PCBP3: variants seen among roughly 807,000 people sequenced by gnomAD.
PCBP3 encodes the protein poly(rC)-binding protein 3.
Under a neutral mutation model 52.7 loss-of-function variants are expected in PCBP3, and 25 were observed. That is an observed-to-expected ratio of 0.47 (90% confidence interval 0.35 to 0.66). The LOEUF (loss-of-function observed/expected upper bound fraction) is 0.66. Among genes scored for constraint, PCBP3 ranks in the 30% least tolerant of loss-of-function variants. The pLI is 0.01. For missense variants in PCBP3, 391 were observed against 490.3 expected, an observed-to-expected ratio of 0.80 and a Z score of 1.91; for synonymous variants, 162 against 183.0, an observed-to-expected ratio of 0.89 and a Z score of 0.93.
intron 4 of PCBP3, among the ~76,000 whole-genome samples, chr21:45,846,429 G>T (rs184736487): frequency 0.025 from 3,589 of 142,484 alleles, 137 homozygotes; most frequent in African/African-American, 0.087. Context: ...TTTTTTGTTT[G>T]TTTTTTTTTT....
intron 1 of PCBP3, among the ~76,000 whole-genome samples, chr21:45,651,390 G>T (rs1022259770): frequency 6.6e-6 from 1 of 152,156 alleles, no homozygotes; most frequent in Non-Finnish European, 1.5e-5. Context: ...AAATTATAAA[G>T]TAGAAGATCA....
chr21:45,686,062 G>C (rs1251766923), intron 2 of PCBP3, among the ~76,000 whole-genome samples: 1 of 151,940 alleles, frequency 6.6e-6, no homozygotes, highest in Admixed American at 6.6e-5. Context: ...GGGATTACAG[G>C]CATCTGCTAC....
At chr21:45,839,960 T>A (rs1208425683) in intron 4 of PCBP3, among the ~76,000 whole-genome samples, 2 of 151,946 alleles carry the variant, frequency 1.3e-5, no homozygotes, top group African/African-American at 4.8e-5. Flanking sequence ...GTGCTGGGAT[T>A]ACAGACATGA....
chr21:45,668,306 C>T (rs1285563023), intron 1 of PCBP3, among the ~76,000 whole-genome samples: 1 of 152,156 alleles, frequency 6.6e-6, no homozygotes, highest in Non-Finnish European at 1.5e-5. Flanking sequence ...TTTGTTCCAA[C>T]TGTTGTCCAC....
chr21:45,746,967 G>A (rs199876678), intron 3 of PCBP3, among the ~76,000 whole-genome samples: 1 of 146,410 alleles, frequency 6.8e-6, no homozygotes. Flanking sequence ...TGTCAGCATC[G>A]CTGTGTCAGT....
At chr21:45,779,723 G>T (rs1202563136) in intron 4 of PCBP3, among the ~76,000 whole-genome samples, 12 of 152,166 alleles carry the variant, frequency 7.9e-5, no homozygotes, top group Admixed American at 5.9e-4. Flanking sequence ...TACATTGAGA[G>T]ATATACCATG....
chr21:45,652,226 CA>C (rs2079731737), intron 1 of PCBP3, among the ~76,000 whole-genome samples: 1 of 152,036 alleles, frequency 6.6e-6, no homozygotes, highest in Non-Finnish European at 1.5e-5. Flanking sequence ...TAGTTGATCT[CA>C]AAAAGATGAG....
At chr21:45,726,936 G>A (rs2085090998) in intron 2 of PCBP3, among the ~76,000 whole-genome samples, 1 of 151,994 alleles carries the variant, frequency 6.6e-6, no homozygotes, top group Non-Finnish European at 1.5e-5. Flanking sequence ...TCTTTTATGG[G>A]GTATGTGTTT....
At chr21:45,649,980 T>C (rs1024734216) in intron 1 of PCBP3, among the ~76,000 whole-genome samples, 2 of 152,140 alleles carry the variant, frequency 1.3e-5, no homozygotes, top group African/African-American at 4.8e-5. Flanking sequence ...TATTTTATTC[T>C]TTTAATTTAA....
rs1004914238 is a variant in PCBP3, at chr21:45,912,955, G to A, written c.601-996G>A. Among the ~76,000 whole-genome samples the A allele has an allele frequency of 3.3e-5, 5 of 152,172 alleles. 1 individual carries two copies. The highest frequency in any genetic ancestry group is 3.9e-4 in the East Asian group (2 of 5,182). ...TCTTGGGGCTTTGAGTGTGAGTGGC[G>A]CTCCCTGAGTGCTGGGCTGGCCCTG... On this transcript the variant is annotated intron_variant, in intron 11 of 17. Transcript: ENST00000681687.
chr21:45,667,360 T>A (rs1384896786), intron 1 of PCBP3, among the ~76,000 whole-genome samples: 2 of 152,074 alleles, frequency 1.3e-5, no homozygotes, highest in Non-Finnish European at 2.9e-5. Flanking sequence ...TCAGCTCATT[T>A]TTTTTTTAAC....
intron 4 of PCBP3, among the ~76,000 whole-genome samples, chr21:45,815,627 A>AT (rs2092902275): frequency 1.8e-5 from 1 of 55,936 alleles, no homozygotes; most frequent in African/African-American, 1.0e-4. Flanking sequence ...GTGAGTGATG[A>AT]GTGGTGAGTG....
At chr21:45,763,984 A>G (rs559709755) in intron 4 of PCBP3, among the ~76,000 whole-genome samples, 56 of 152,298 alleles carry the variant, frequency 3.7e-4, no homozygotes, top group African/African-American at 1.3e-3. Flanking sequence ...AATGTCATAC[A>G]TGGCTTTTCC....
chr21:45,761,305 A>G (rs1289916952), intron 4 of PCBP3: 1 of 152,072 alleles, frequency 6.6e-6, no homozygotes, highest in Non-Finnish European at 1.5e-5. Context: ...TTTCCGCTCC[A>G]TGGTCATTCC....
In PCBP3 at chr21:45,805,825, G is replaced by A. The variant is rs910820999; in HGVS notation, c.-125-44136G>A. ...CGCGCTCCTGTCTTTCTGTGGCAGC[G>A]AAGGTGGCATTCCCTCCTAGCACCT... On this transcript the variant is annotated intron_variant, in intron 4 of 17. Coordinates refer to ENST00000681687, the MANE Select transcript of PCBP3 (RefSeq NM_001384156.1). This position sits in a 1 kb window ranked among gnomAD's most constrained non-coding sequence, Gnocchi z 4.6. 8.5e-5 allele frequency among the ~76,000 whole-genome samples: 13 copies of A among 152,192 alleles called. No individual in the cohort carries two copies. In the East Asian group the frequency reaches 1.6e-3, roughly 18 times the overall value.
At chr21:45,690,956 C>T (rs1181478908) in intron 2 of PCBP3, among the ~76,000 whole-genome samples, 1 of 152,044 alleles carries the variant, frequency 6.6e-6, no homozygotes, top group African/African-American at 2.4e-5. Flanking sequence ...TTGACAGATC[C>T]TTATAAAGCT....
chr21:45,662,080 G>C (rs1323968183), intron 1 of PCBP3, among the ~76,000 whole-genome samples: 2 of 151,836 alleles, frequency 1.3e-5, no homozygotes, highest in South Asian at 4.1e-4. Flanking sequence ...CCATTCTGCA[G>C]GTTGTCTCTT....
chr21:45,691,081 C>T (rs1236933316), intron 2 of PCBP3, among the ~76,000 whole-genome samples: 1 of 151,948 alleles, frequency 6.6e-6, no homozygotes, highest in Non-Finnish European at 1.5e-5. Flanking sequence ...TTCACAGTAG[C>T]TTTATTTATA....
At chr21:45,911,182 G>A (rs9979027) in intron 11 of PCBP3, 152 bp downstream of exon 11, 79,569 of 872,398 alleles carry the variant, frequency 0.091, 5,750 homozygotes, top group African/African-American at 0.33. Context: ...GAGCGAGAGC[G>A]GTGCCGGTAT....
Sources: allele counts gnomAD v4.1 joint callset (sites outside exome capture counted in the v4.1 genomes callset), GRCh38; gene constraint gnomAD v4.1.1; non-coding constraint Gnocchi (gnomAD v3.1); transcripts MANE v1.5; gene names NCBI Gene and HGNC (gene_info 2026-07-23, HGNC 2026-07-21).